The following RUNX2 variants were observed in gnomAD, a reference collection of about 807,000 sequenced individuals.
The protein encoded by RUNX2 is runt-related transcription factor 2.
Under a neutral mutation model 51.7 loss-of-function variants are expected in RUNX2, and 10 were observed. The ratio of observed to expected loss-of-function variants is 0.19; its 90% confidence interval spans 0.12 to 0.33. RUNX2 has a LOEUF of 0.33. Among genes scored for constraint, RUNX2 ranks in the 10% least tolerant of loss-of-function variants. The probability of loss-of-function intolerance (pLI) is 1.00; values close to 1 mark genes in which losing one functional copy is unlikely to be tolerated. For synonymous variants in RUNX2, 276 were observed against 273.6 expected (o/e 1.01, Z -0.09); for missense variants, 562 against 691.3 (o/e 0.81, Z 2.10).
intron 7 of RUNX2, among the ~76,000 whole-genome samples, chr6:45,516,185 A>C (rs1801314318): frequency 6.6e-6 from 1 of 152,224 alleles, no homozygotes; most frequent in Admixed American, 6.5e-5. Flanking sequence ...TAAAATGATA[A>C]AGGTATGTTA....
chr6:45,336,686 A>C (rs1053862962), intron 2 of RUNX2, among the ~76,000 whole-genome samples: 4 of 151,580 alleles, frequency 2.6e-5, no homozygotes, highest in South Asian at 2.1e-4. Context: ...TGCTCCAAGA[A>C]ATACTGTAAC....
At chr6:45,404,077 T>C (rs958746438) in intron 2 of RUNX2, among the ~76,000 whole-genome samples, 1 of 151,176 alleles carries the variant, frequency 6.6e-6, no homozygotes, top group Non-Finnish European at 1.5e-5. Context: ...CTGACCAATA[T>C]GGTGAAACCG....
At chr6:45,432,063 A>T (rs1336462303) in intron 4 of RUNX2, 44 bp downstream of exon 4, 1 of 1,585,346 alleles carries the variant, frequency 6.3e-7, no homozygotes, top group Non-Finnish European at 8.6e-7. Context: ...TAAGCACATT[A>T]GGCTCCTTTG....
chr6:45,466,454 C>T (rs1225653345), intron 5 of RUNX2, among the ~76,000 whole-genome samples: 3 of 152,116 alleles, frequency 2.0e-5, no homozygotes, highest in Non-Finnish European at 2.9e-5. Flanking sequence ...TCCTCAAACC[C>T]AGTGACCTGC....
intron 7 of RUNX2, among the ~76,000 whole-genome samples, chr6:45,544,727 C>T (rs1334593428): frequency 6.6e-6 from 1 of 152,174 alleles, no homozygotes; most frequent in Admixed American, 6.5e-5. Context: ...CTCAAGGTCA[C>T]CTGGATGCCC....
At chr6:45,341,891 G>C (rs923936559) in intron 2 of RUNX2, among the ~76,000 whole-genome samples, 2 of 152,068 alleles carry the variant, frequency 1.3e-5, no homozygotes, top group African/African-American at 2.4e-5. Context: ...CCACTAAAAA[G>C]ATGTATGAAG....
intron 6 of RUNX2, among the ~76,000 whole-genome samples, chr6:45,496,081 A>G (rs1800636431): frequency 6.6e-6 from 1 of 152,092 alleles, no homozygotes; most frequent in Non-Finnish European, 1.5e-5. Context: ...GGTGCCAGGA[A>G]ACACCTAGTC....
intron 5 of RUNX2, among the ~76,000 whole-genome samples, chr6:45,484,299 G>C (rs1453695232): frequency 6.6e-6 from 1 of 152,106 alleles, no homozygotes; most frequent in Non-Finnish European, 1.5e-5. Context: ...GCTGGATTTT[G>C]AGTCTGAGAG....
chr6:45,375,544 G>C (rs1796659237), intron 2 of RUNX2, among the ~76,000 whole-genome samples: 1 of 151,720 alleles, frequency 6.6e-6, no homozygotes, highest in Admixed American at 6.6e-5. Flanking sequence ...AAGACCAAGA[G>C]CATCATTTTT....
At chr6:45,529,475 C>T (rs1056284170) in intron 7 of RUNX2, among the ~76,000 whole-genome samples, 3 of 151,838 alleles carry the variant, frequency 2.0e-5, no homozygotes, top group Admixed American at 6.6e-5. Flanking sequence ...ATTGGAGCTT[C>T]GGATGATGGG....
intron 7 of RUNX2, among the ~76,000 whole-genome samples, chr6:45,538,429 C>A (rs966455930): frequency 8.5e-5 from 13 of 152,184 alleles, no homozygotes; most frequent in African/African-American, 3.1e-4. Flanking sequence ...CCACTCCAGG[C>A]AGATACCATC....
intron 2 of RUNX2, among the ~76,000 whole-genome samples, chr6:45,388,969 A>G (rs1797416695): frequency 6.6e-6 from 1 of 152,074 alleles, no homozygotes; most frequent in African/African-American, 2.4e-5. Context: ...GTATCATCTC[A>G]TTCTAACCAA....
intron 3 of RUNX2, among the ~76,000 whole-genome samples, chr6:45,426,546 T>C (rs747912896): frequency 1.3e-5 from 2 of 152,204 alleles, no homozygotes; most frequent in African/African-American, 2.4e-5. Context: ...AGCTTCAAGC[T>C]GAAACACTAT....
At chr6:45,401,062 A>G (rs1005756632) in intron 2 of RUNX2, among the ~76,000 whole-genome samples, 16 of 152,228 alleles carry the variant, frequency 1.1e-4, no homozygotes, top group Non-Finnish European at 1.6e-4. Context: ...AATTTTTCGT[A>G]ATAAGATATT....
intron 7 of RUNX2, among the ~76,000 whole-genome samples, chr6:45,520,681 A>C (rs1801476825): frequency 6.6e-6 from 1 of 151,940 alleles, no homozygotes; most frequent in South Asian, 2.1e-4. Flanking sequence ...ACCCATTTGT[A>C]TGTCATTTCT....
At chr6:45,396,792 C>T (rs1380645064) in intron 2 of RUNX2, among the ~76,000 whole-genome samples, 1 of 152,096 alleles carries the variant, frequency 6.6e-6, no homozygotes, top group Non-Finnish European at 1.5e-5. Context: ...TTTCACTTAC[C>T]ACAGTGTTTT....
chr6:45,538,156 A>G (rs2150445252), intron 7 of RUNX2, among the ~76,000 whole-genome samples: 1 of 152,308 alleles, frequency 6.6e-6, no homozygotes, highest in Non-Finnish European at 1.5e-5. Flanking sequence ...TCTGCTTTTA[A>G]TATAGACCAA....
At chr6:45,536,723 T>G (rs559493793) in intron 7 of RUNX2, among the ~76,000 whole-genome samples, 3 of 152,320 alleles carry the variant, frequency 2.0e-5, no homozygotes, top group South Asian at 2.1e-4. Context: ...GGGTTGGTTT[T>G]AGATTTAAAG....
chr6:45,342,481 G>C (rs959889562), intron 2 of RUNX2, among the ~76,000 whole-genome samples: 4 of 152,010 alleles, frequency 2.6e-5, no homozygotes, highest in East Asian at 1.9e-4. Flanking sequence ...GGATGGTCTC[G>C]ATCTTCTGAC....
Sources: gnomAD v4.1 joint callset for allele counts (sites outside exome capture counted in the v4.1 genomes callset) on GRCh38, gnomAD v4.1.1 for gene constraint, MANE v1.5 for transcripts, NCBI Gene and HGNC (gene_info 2026-07-23, HGNC 2026-07-21) for gene names.